The following ARAP1 variants were observed in gnomAD, a reference collection of about 807,000 sequenced individuals.
ARAP1 encodes ArfGAP with RhoGAP domain, ankyrin repeat and PH domain 1, also known as arf-GAP with Rho-GAP domain, ANK repeat and PH domain-containing protein 1.
Under a neutral mutation model 172.2 loss-of-function variants are expected in ARAP1, and 76 were observed. The ratio of observed to expected loss-of-function variants is 0.44; its 90% CI spans 0.37 to 0.53. The LOEUF is 0.53. Ranked by LOEUF, ARAP1 falls within the 20% of genes least tolerant of loss-of-function variation. The probability of loss-of-function intolerance (pLI) is 0.00; values close to 1 mark genes in which losing one functional copy is unlikely to be tolerated. For missense variants in ARAP1, 1,686 were observed against 1,977.5 expected, an observed-to-expected ratio of 0.85 and a Z score of 2.80; for synonymous variants, 804 against 803.3, an observed-to-expected ratio of 1.00 and a Z score of -0.01.
intron 13 of ARAP1, chr11:72,704,572 C>T: frequency 2.0e-6 from 1 of 503,758 alleles, no homozygotes; most frequent in South Asian, 2.7e-5. Flanking sequence ...AGTCAGCAGA[C>T]TGACAGGTGG....
In ARAP1 at chr11:72,698,071, G is replaced by A. The variant is rs1331195093; in HGVS notation, c.2577C>T (p.Ala859=). Residue 859 remains alanine (A), a synonymous_variant, in exon 19 of 35, where the codon GCC becomes GCT. Coordinates refer to ENST00000393609, the MANE Select transcript of ARAP1 (RefSeq NM_001040118.3). ...GGCGTCCCAGCCGCTCAAAATCCCG[G>A]GCCAGCAGATCCTCGGCTAGGGGAG... ...FVPPLAEDLL[A]RDFERLGRLP... 6.2e-7 allele frequency: 1 copy of A among 1,606,116 alleles called. No homozygotes were observed. Among genetic ancestry groups the A allele is most frequent in the African/African-American group, 1.3e-5 (1 of 74,966 alleles).
rs200340609 is a variant in ARAP1 at position 72,712,445 on chromosome 11, C to T, written c.871G>A (p.Val291Ile). The stretch of plus-strand genomic sequence containing the variant: ...GGGTGGCCGGACACTCACTTGGGGA[C>T]GCCCTCATAGGCGTGGTCATCCTCT... The part of the protein sequence containing the change: ...EEEDDHAYEG[V>I]PNGGWHTSSL... The change falls in exon 6 of 35, where the codon GTC (valine) becomes ATC (isoleucine). Residue 291 changes from valine (V) to isoleucine (I), a missense_variant. This residue lies in a region of ARAP1 where 688 missense variants were observed against 856.9 expected (regional missense o/e 0.80). Coordinates refer to ENST00000393609, the MANE Select transcript of ARAP1 (RefSeq NM_001040118.3). The T allele has an allele frequency of 3.9e-5, 61 of 1,579,470 alleles. No individual in the cohort carries two copies. The highest frequency in any genetic ancestry group is 5.2e-5 in the Admixed American group (3 of 58,106).
rs567954448 is a variant in ARAP1 at position 72,751,718 on chromosome 11, C to G, written c.-128+610G>C. Reference sequence around the variant, plus strand: ...GATGGCTTCTGGCCAGATTCCCCCCCTCCCCGCCGGCCCTGCACCAAACAC... The same window carrying G: ...GATGGCTTCTGGCCAGATTCCCCCCGTCCCCGCCGGCCCTGCACCAAACAC... On this transcript the variant is annotated intron_variant, in intron 1 of 34. Transcript: ENST00000393609. 2.6e-5 allele frequency among the ~76,000 whole-genome samples: 4 copies of G among 152,062 alleles called. No individual in the cohort carries two copies. In the East Asian group the frequency reaches 7.7e-4, roughly 29 times the overall value.
intron 1 of ARAP1, among the ~76,000 whole-genome samples, chr11:72,750,259 G>A (rs1758718088): frequency 6.6e-6 from 1 of 152,224 alleles, no homozygotes; most frequent in Non-Finnish European, 1.5e-5. Flanking sequence ...GTGAGGGGCG[G>A]GGGGCCAGGG....
chr11:72,716,946 C>A (rs753049742), intron 3 of ARAP1, among the ~76,000 whole-genome samples: 3 of 152,162 alleles, frequency 2.0e-5, no homozygotes, highest in African/African-American at 7.2e-5. Flanking sequence ...CCTATGAAGA[C>A]CCCCTGGTGG....
At chr11:72,692,669 C>A in intron 30 of ARAP1, 84 bp downstream of exon 30, 1 of 1,569,478 alleles carries the variant, frequency 6.4e-7, no homozygotes, top group Non-Finnish European at 8.8e-7. Context: ...GCCAGGAGCC[C>A]TGGCTGTCTC....
At chr11:72,716,563 C>T (rs1295906743) in intron 3 of ARAP1, among the ~76,000 whole-genome samples, 1 of 152,288 alleles carries the variant, frequency 6.6e-6, no homozygotes, top group African/African-American at 2.4e-5. Context: ...GAGCTTTGAG[C>T]TTCGCTCAGT....
rs1418636433 is a variant in ARAP1 at position 72,741,179 on chromosome 11, G to A, written c.-127-8582C>T. ...CACACCCCTGCCCTGCATCCACACT[G>A]CCCCCATTCAACCCAGGCCCCTCAG... is the stretch of plus-strand genomic sequence containing the variant. On this transcript the variant is annotated intron_variant, in intron 1 of 34. Transcript: ENST00000393609. This position sits in a 1 kb window ranked among gnomAD's most constrained non-coding sequence, Gnocchi z 4.5. Among the ~76,000 whole-genome samples, 2 of 151,264 alleles carry A rather than the reference G, an allele frequency of 1.3e-5. No homozygotes were observed. The highest frequency in any genetic ancestry group is 2.4e-5 in the African/African-American group (1 of 41,000).
intron 4 of ARAP1, 28 bp downstream of exon 4, chr11:72,714,124 A>G (rs1297548786): frequency 1.4e-6 from 2 of 1,436,558 alleles, no homozygotes; most frequent in Non-Finnish European, 9.1e-7. Context: ...ATCCACCCAG[A>G]GCCCCATCTC....
chr11:72,740,282 C>A (rs1183495601), intron 1 of ARAP1, among the ~76,000 whole-genome samples: 1 of 152,138 alleles, frequency 6.6e-6, no homozygotes, highest in Non-Finnish European at 1.5e-5. Context: ...CCAGCATCAC[C>A]CTAATAAAAT....
At position 72,686,056 on chromosome 11, in the gene ARAP1, C is replaced by T. The variant is rs200358910; in HGVS notation, c.4321G>A (p.Ala1441Thr). 108 of 1,614,056 alleles carry T rather than the reference C, an allele frequency of 6.7e-5. No individual in the cohort carries two copies. Among genetic ancestry groups the T allele is most frequent in the Admixed American group, 2.0e-4 (12 of 60,028 alleles). Residue 1441 changes from alanine to threonine, a missense_variant, in exon 34 of 35, where the codon GCG becomes ACG. Physicochemically the swap from Ala to Thr is moderately conservative, Grantham distance 58. Coordinates refer to ENST00000393609, the MANE Select transcript of ARAP1 (RefSeq NM_001040118.3). ...EMRRSVAAFT[A>T]DPLSLLRNV The stretch of plus-strand genomic sequence containing the variant: ...GAGCCACTCACAGACAGAGGGTCCG[C>T]GGTGAAGGCAGCCACACTCCGGCGC...
In ARAP1 at chr11:72,711,074, T is replaced by G. The variant is rs1424555930; in HGVS notation, c.1160A>C (p.Lys387Thr). 6.2e-7 allele frequency: 1 copy of G among 1,614,198 alleles called. No individual in the cohort carries two copies. Among genetic ancestry groups the G allele is most frequent in the South Asian group, 1.1e-5 (1 of 91,088 alleles). The change falls in exon 9 of 35, where the codon AAG (lysine) becomes ACG (threonine). Residue 387 changes from lysine to threonine, a missense_variant. Physicochemically the swap from Lys to Thr is moderately conservative, Grantham distance 78 (BLOSUM62 -1). This residue lies in a region of ARAP1 where 688 missense variants were observed against 856.9 expected (regional missense o/e 0.80). Transcript: ENST00000393609. The part of the protein sequence containing the change: ...ISHVAAIGDQ[K>T]FEVITNNRTF... ...TCGGTTGTTTGTGATCACTTCAAACTTCTGGTCCCCGATGGCAGCCACGTG... is the reference window on the plus strand; with the variant it reads ...TCGGTTGTTTGTGATCACTTCAAACGTCTGGTCCCCGATGGCAGCCACGTG...
intron 1 of ARAP1, among the ~76,000 whole-genome samples, chr11:72,751,139 C>T (rs1207815212): frequency 6.6e-6 from 1 of 152,112 alleles, no homozygotes; most frequent in African/African-American, 2.4e-5. Flanking sequence ...GCCTGGGACA[C>T]CCCCTTCCTA....
rs186718117 is a variant in ARAP1, at chr11:72,734,969, C to G, written c.-127-2372G>C. On this transcript the variant is annotated intron_variant, in intron 1 of 34. Transcript: ENST00000393609. ...CATTGTGGCTTACACTCTATTCATA[C>G]TGGAGACTGTAGCTCTCAACTTTTT... is the stretch of plus-strand genomic sequence containing the variant. Among the ~76,000 whole-genome samples the G allele has an allele frequency of 7.9e-5, 12 of 152,028 alleles. No homozygotes were observed. In the East Asian group the frequency reaches 2.3e-3, roughly 29 times the overall value.
intron 3 of ARAP1, among the ~76,000 whole-genome samples, chr11:72,715,914 T>G (rs1010962504): frequency 6.6e-6 from 1 of 152,182 alleles, no homozygotes; most frequent in Non-Finnish European, 1.5e-5. Flanking sequence ...GGTTCACACC[T>G]GTAATCCCAG....
rs889261433 is a variant in ARAP1, at chr11:72,726,957, G to A, written c.172C>T (p.Arg58Cys). ...DMGMLLPGHR[R>C]RILAGLLRAH... ...CGGAGCAGGCCAGCCAGGATGCGGC[G>A]GCGGTGACCAGGGAGTAGCATGCCC... is the stretch of plus-strand genomic sequence containing the variant. Residue 58 changes from arginine to cysteine, a missense_variant, in exon 3 of 35, where the codon CGC becomes TGC. By Grantham distance (180) the Arg-to-Cys change is radical. Around this residue, in one of 5 missense-constraint regions of ARAP1, gnomAD observed 190 missense variants for 228.6 expected, o/e 0.83. Coordinates refer to ENST00000393609, the MANE Select transcript of ARAP1 (RefSeq NM_001040118.3). The surrounding 1 kb of genome is among the most constrained non-coding windows in gnomAD (Gnocchi z 6.5). The A allele has an allele frequency of 1.1e-5, 18 of 1,599,978 alleles. No individual in the cohort carries two copies. Among genetic ancestry groups the A allele is most frequent in the South Asian group, 3.4e-5 (3 of 88,930 alleles).
At chr11:72,689,360 C>G (rs1855832988) in intron 30 of ARAP1, 1 of 152,220 alleles carries the variant, frequency 6.6e-6, no homozygotes, top group Admixed American at 6.5e-5. Flanking sequence ...CTCTAGGAGC[C>G]ACTTGCTTGA....
At chr11:72,686,427 G>A (rs971605387) in intron 33 of ARAP1, among the ~76,000 whole-genome samples, 1 of 152,098 alleles carries the variant, frequency 6.6e-6, no homozygotes, top group Non-Finnish European at 1.5e-5. Context: ...ACCCCTCCAA[G>A]AACCAAGAAA....
Position 72,697,394 on chromosome 11 carries a change from G to A in ARAP1, c.2882C>T (p.Ser961Leu), listed in dbSNP as rs1016634725. The A allele has an allele frequency of 1.2e-6, 2 of 1,611,460 alleles. No homozygotes were observed. The highest frequency in any genetic ancestry group is 1.7e-6 in the Non-Finnish European group (2 of 1,179,050). Residue 961 changes from serine (S) to leucine (L), a missense_variant, in exon 21 of 35, where the codon TCG becomes TTG. Ser to Leu is a moderately radical substitution (Grantham distance 145, BLOSUM62 -2). Coordinates refer to ENST00000393609, the MANE Select transcript of ARAP1 (RefSeq NM_001040118.3). ...ATCCGAGTCCCCAAGCTGCTGCTCC[G>A]ACAGCGTGTCCCCCATGCTGGCGGC... ...KAAASMGDTLSEQQLGDSDIP... is the reference protein window; with the variant it reads ...KAAASMGDTLLEQQLGDSDIP...
Sources: allele counts gnomAD v4.1 joint callset (sites outside exome capture counted in the v4.1 genomes callset), GRCh38; gene constraint gnomAD v4.1.1; regional missense constraint gnomAD v4.1.1; non-coding constraint Gnocchi (gnomAD v3.1); transcripts MANE v1.5; gene names NCBI Gene and HGNC (gene_info 2026-07-23, HGNC 2026-07-21).